Variants in PPP1R13B observed in about 807,000 individuals in gnomAD.
PPP1R13B encodes protein phosphatase 1 regulatory subunit 13B, also known as apoptosis-stimulating of p53 protein 1.
A neutral mutation model predicts 119.8 loss-of-function variants in PPP1R13B; 44 were observed. The ratio of observed to expected loss-of-function variants is 0.37; its 90% CI spans 0.29 to 0.47. The LOEUF (loss-of-function observed/expected upper bound fraction) is 0.47, where lower values mean the gene tolerates loss of function less well. Ranked by LOEUF, PPP1R13B falls within the 20% of genes least tolerant of loss-of-function variation. The probability of loss-of-function intolerance (pLI) is 0.99; values close to 1 mark genes in which losing one functional copy is unlikely to be tolerated. For synonymous variants in PPP1R13B, 542 were observed against 561.5 expected, an observed-to-expected ratio of 0.97 and a Z score of 0.49; for missense variants, 1,227 against 1,413.5, an observed-to-expected ratio of 0.87 and a Z score of 2.12.
intron 2 of PPP1R13B, among the ~76,000 whole-genome samples, chr14:103,796,139 C>T (rs1434401796): frequency 6.6e-6 from 1 of 151,858 alleles, no homozygotes; most frequent in Admixed American, 6.6e-5. Context: ...AAAAATTAGC[C>T]GGGCATGGTG....
At chr14:103,827,168 C>CA (rs1434317120) in intron 1 of PPP1R13B, among the ~76,000 whole-genome samples, 1 of 151,638 alleles carries the variant, frequency 6.6e-6, no homozygotes, top group African/African-American at 2.4e-5. Flanking sequence ...ATTAAAAATA[C>CA]AAAAAATTAG....
intron 4 of PPP1R13B, among the ~76,000 whole-genome samples, chr14:103,760,468 C>G (rs1017744611): frequency 1.3e-5 from 2 of 152,316 alleles, no homozygotes; most frequent in South Asian, 2.1e-4. Context: ...CCAGGTCACA[C>G]AGTGCACAAG....
chr14:103,746,455 T>G lies in PPP1R13B; in HGVS notation c.1068A>C (p.Gly356=). The G allele has an allele frequency of 6.2e-7, 1 of 1,614,132 alleles. No homozygotes were observed. Among genetic ancestry groups the G allele is most frequent in the Non-Finnish European group, 8.5e-7 (1 of 1,180,010 alleles). The change falls in exon 9 of 17, where the codon GGA becomes GGC. Residue 356 remains glycine (G), a synonymous_variant. Coordinates refer to ENST00000202556, the MANE Select transcript of PPP1R13B (RefSeq NM_015316.3). Reference sequence around the variant, plus strand: ...TAGGGTCCCCCAGCACAGGAAAGCTTCCGGCACTGGGAACCTGGATATAAG... The same window carrying G: ...TAGGGTCCCCCAGCACAGGAAAGCTGCCGGCACTGGGAACCTGGATATAAG... ...VGPYIQVPSA[G]SFPVLGDPIK...
intron 1 of PPP1R13B, among the ~76,000 whole-genome samples, chr14:103,846,002 T>C (rs1236484357): frequency 1.3e-5 from 2 of 152,220 alleles, no homozygotes; most frequent in African/African-American, 2.4e-5. Context: ...ATCCCTACTT[T>C]AGAGGTAATT....
chr14:103,783,697 C>T (rs2085388070), intron 3 of PPP1R13B, among the ~76,000 whole-genome samples: 1 of 152,046 alleles, frequency 6.6e-6, no homozygotes, highest in Admixed American at 6.6e-5. Flanking sequence ...GACTACAGGG[C>T]ATCCACCAAC....
chr14:103,847,266 A>AGCC (rs1212564698), intron 1 of PPP1R13B, 33 bp downstream of exon 1: 3 of 1,185,684 alleles, frequency 2.5e-6, no homozygotes, highest in East Asian at 9.4e-5. Context: ...CCGCGGAGGA[A>AGCC]GCCGCCGCCA....
At chr14:103,817,848 T>C (rs1194683138) in intron 1 of PPP1R13B, among the ~76,000 whole-genome samples, 1 of 152,064 alleles carries the variant, frequency 6.6e-6, no homozygotes, top group Non-Finnish European at 1.5e-5. Context: ...CAAGTGTGTC[T>C]GACTCCAAAG....
intron 1 of PPP1R13B, among the ~76,000 whole-genome samples, chr14:103,840,799 AAAG>A (rs1004256594): frequency 2.6e-4 from 39 of 152,000 alleles, no homozygotes; most frequent in Non-Finnish European, 4.4e-4. Context: ...TCAAAAAAAA[AAAG>A]AAAGAAAGAA....
rs201246841 is a variant in PPP1R13B, at chr14:103,739,821, C to T, written c.2592+3G>A. The T allele has an allele frequency of 7.5e-6, 12 of 1,599,884 alleles. No individual in the cohort carries two copies. Among genetic ancestry groups the T allele is most frequent in the African/African-American group, 4.0e-5 (3 of 74,826 alleles). ...CAGGCTTTGGTCTAGCAATGACACCCACCGTGGAGGTGGCAGGAGGGTGGC... is the reference window on the plus strand; with the variant it reads ...CAGGCTTTGGTCTAGCAATGACACCTACCGTGGAGGTGGCAGGAGGGTGGC... On this transcript the variant is annotated splice_donor_region_variant and intron_variant, in intron 12 of 16. Coordinates refer to ENST00000202556, the MANE Select transcript of PPP1R13B (RefSeq NM_015316.3).
intron 1 of PPP1R13B, among the ~76,000 whole-genome samples, chr14:103,824,568 C>T (rs531975693): frequency 6.6e-6 from 1 of 151,498 alleles, no homozygotes; most frequent in Non-Finnish European, 1.5e-5. Context: ...TGGTGGCGCA[C>T]ACCTGTAGTC....
intron 8 of PPP1R13B, among the ~76,000 whole-genome samples, chr14:103,747,814 G>T (rs2084426017): frequency 6.6e-6 from 1 of 152,158 alleles, no homozygotes; most frequent in Non-Finnish European, 1.5e-5. Flanking sequence ...CTCCAATCTG[G>T]AAGAGATTAA....
intron 4 of PPP1R13B, among the ~76,000 whole-genome samples, chr14:103,776,740 T>C (rs1308496691): frequency 6.6e-6 from 1 of 151,530 alleles, no homozygotes; most frequent in East Asian, 2.0e-4. Context: ...GGCGTGGCGG[T>C]GTGCGCCTGT....
chr14:103,805,900 C>G (rs533425715), intron 1 of PPP1R13B, among the ~76,000 whole-genome samples: 7 of 152,262 alleles, frequency 4.6e-5, no homozygotes, highest in South Asian at 2.1e-4. Flanking sequence ...CAAATAGGCA[C>G]AAACTTTGTT....
At chr14:103,818,057 C>T (rs1009082657) in intron 1 of PPP1R13B, among the ~76,000 whole-genome samples, 9 of 152,012 alleles carry the variant, frequency 5.9e-5, no homozygotes, top group Admixed American at 6.6e-5. Context: ...TATACACATA[C>T]CTTTGAAAAA....
chr14:103,827,219 C>T (rs990014898), intron 1 of PPP1R13B, among the ~76,000 whole-genome samples: 1 of 151,708 alleles, frequency 6.6e-6, no homozygotes, highest in Non-Finnish European at 1.5e-5. Flanking sequence ...ACCTGTAGTC[C>T]CAGCTACTCA....
intron 1 of PPP1R13B, among the ~76,000 whole-genome samples, chr14:103,839,649 C>A (rs1050791305): frequency 1.3e-5 from 2 of 149,624 alleles, no homozygotes; most frequent in African/African-American, 4.9e-5. Context: ...AAAAATCTTT[C>A]TATCTCCTTT....
At chr14:103,745,853 C>G (rs1444783829) in intron 9 of PPP1R13B, among the ~76,000 whole-genome samples, 6 of 152,162 alleles carry the variant, frequency 3.9e-5, no homozygotes, top group African/African-American at 1.4e-4. Context: ...TCTTGTTGCC[C>G]AGGCTGAAGC....
At chr14:103,819,018 C>T (rs2086342361) in intron 1 of PPP1R13B, among the ~76,000 whole-genome samples, 1 of 152,080 alleles carries the variant, frequency 6.6e-6, no homozygotes, top group Non-Finnish European at 1.5e-5. Flanking sequence ...AAAAGCCTCA[C>T]TGAAGGAGGA....
intron 6 of PPP1R13B, among the ~76,000 whole-genome samples, chr14:103,753,610 C>T (rs921572983): frequency 6.6e-6 from 1 of 152,134 alleles, no homozygotes; most frequent in African/African-American, 2.4e-5. Flanking sequence ...TATCTTAATG[C>T]ACGGATACAA....
Sources: allele counts gnomAD v4.1 joint callset (sites outside exome capture counted in the v4.1 genomes callset), GRCh38; gene constraint gnomAD v4.1.1; transcripts MANE v1.5; gene names NCBI Gene and HGNC (gene_info 2026-07-23, HGNC 2026-07-21).